The following SLC49A4 variants were observed in gnomAD, a reference collection of about 807,000 sequenced individuals.
SLC49A4 encodes the protein disrupted in renal cancer protein 2.
In SLC49A4, 36 loss-of-function variants were observed where a neutral mutation model predicts 50.6. The ratio of observed to expected loss-of-function variants is 0.71; its 90% CI spans 0.55 to 0.94. SLC49A4 has a LOEUF of 0.94. SLC49A4 is among the 40% of genes least tolerant of loss of function. The pLI, the probability that SLC49A4 is intolerant of heterozygous loss-of-function variation, is 0.00. For synonymous variants in SLC49A4, 248 were observed against 241.2 expected (o/e 1.03, Z -0.26); for missense variants, 503 against 605.7 (o/e 0.83, Z 1.78).
intron 8 of SLC49A4, among the ~76,000 whole-genome samples, chr3:122,877,592 A>G (rs1937281618): frequency 6.6e-6 from 1 of 152,188 alleles, no homozygotes; most frequent in Non-Finnish European, 1.5e-5. Context: ...AGTCTCTAAG[A>G]TATAGCAACT....
intron 2 of SLC49A4, among the ~76,000 whole-genome samples, chr3:122,811,676 C>T (rs868011346): frequency 5.9e-5 from 9 of 152,130 alleles, no homozygotes; most frequent in Non-Finnish European, 8.8e-5. Context: ...ATGCCTTCAG[C>T]AGAGAACTGA....
At chr3:122,865,069 A>G (rs1430523342) in intron 7 of SLC49A4, among the ~76,000 whole-genome samples, 1 of 152,232 alleles carries the variant, frequency 6.6e-6, no homozygotes, top group Non-Finnish European at 1.5e-5. Flanking sequence ...TCCTCTTACT[A>G]TATTTTCATG....
intron 6 of SLC49A4, among the ~76,000 whole-genome samples, chr3:122,859,245 A>G (rs1937027821): frequency 6.6e-6 from 1 of 152,152 alleles, no homozygotes. Context: ...GGCAGACGGA[A>G]CAAGTACGGA....
chr3:122,865,376 GC>G (rs1937104755), intron 7 of SLC49A4, among the ~76,000 whole-genome samples: 1 of 152,196 alleles, frequency 6.6e-6, no homozygotes, highest in Admixed American at 6.5e-5. Context: ...GTACCTTACA[GC>G]AAAATATGCC....
At chr3:122,851,993 C>CTTTTTTTTT (rs368287566) in intron 5 of SLC49A4, among the ~76,000 whole-genome samples, 2 of 128,032 alleles carry the variant, frequency 1.6e-5, no homozygotes, top group Non-Finnish European at 3.3e-5. Flanking sequence ...ATCTTTGATT[C>CTTTTTTTTT]TTTTTTTTTT....
chr3:122,826,856 C>T lies in SLC49A4; in HGVS notation c.494C>T (p.Ala165Val), dbSNP rs1250385873. ...NGLAGPTVMN[A>V]APFLSTTWFS... Reference sequence around the variant, plus strand: ...TTGGCAGGTCCAACTGTAATGAATGCAGCACCATTTCTCTCTACGACGTGG... The same window carrying T: ...TTGGCAGGTCCAACTGTAATGAATGTAGCACCATTTCTCTCTACGACGTGG... The change falls in exon 3 of 9, where the codon GCA becomes GTA. Residue 165 changes from alanine to valine, a missense_variant. Transcript: ENST00000261038. 6.2e-7 allele frequency: 1 copy of T among 1,614,090 alleles called. No homozygotes were observed. Among genetic ancestry groups the T allele is most frequent in the Admixed American group, 1.7e-5 (1 of 60,020 alleles).
At chr3:122,798,034 CAAT>C (rs1358188582) in intron 1 of SLC49A4, among the ~76,000 whole-genome samples, 1 of 152,140 alleles carries the variant, frequency 6.6e-6, no homozygotes, top group Non-Finnish European at 1.5e-5. Context: ...ATCAATGTTA[CAAT>C]AATATTTTTT....
Position 122,879,324 on chromosome 3 carries a change from G to T in SLC49A4, c.1383G>T (p.Leu461=). The T allele has an allele frequency of 6.2e-7, 1 of 1,613,954 alleles. No homozygotes were observed. The highest frequency in any genetic ancestry group is 8.5e-7 in the Non-Finnish European group (1 of 1,179,922). Residue 461 remains leucine (L), a synonymous_variant, in exon 9 of 9, where the codon CTG becomes CTT. Transcript: ENST00000261038. The part of the protein sequence containing the change: ...GSCLLSLLLI[L]CFRESYDRLY... ...GTTTGCTCAGTCTCCTCCTCATTCT[G>T]TGCTTCAGGGAATCCTATGACAGAC...
rs115108813 is a variant in SLC49A4 at position 122,871,567 on chromosome 3, C to T, written c.1139-848C>T. ...TAGGATAAATTCTACTCATTATTAT[C>T]GGTGAATATGATATACTTATTAGGA... is the stretch of plus-strand genomic sequence containing the variant. On this transcript the variant is annotated intron_variant, in intron 7 of 8. Coordinates refer to ENST00000261038, the MANE Select transcript of SLC49A4 (RefSeq NM_032839.3). Among the ~76,000 whole-genome samples the T allele has an allele frequency of 6.0e-3, 916 of 152,052 alleles. 4 individuals carry two copies. The highest frequency in any genetic ancestry group is 7.6e-3 in the Non-Finnish European group (517 of 67,970).
intron 7 of SLC49A4, among the ~76,000 whole-genome samples, chr3:122,868,932 C>T (rs1311785180): frequency 1.3e-5 from 2 of 152,172 alleles, no homozygotes; most frequent in East Asian, 1.9e-4. Context: ...ATATAATAGG[C>T]ATTCTAACAA....
chr3:122,858,558 A>G (rs1009572825), intron 6 of SLC49A4, among the ~76,000 whole-genome samples: 4 of 152,218 alleles, frequency 2.6e-5, no homozygotes, highest in Non-Finnish European at 5.9e-5. Flanking sequence ...AAAAGATGGC[A>G]TCAGCTCTCA....
intron 4 of SLC49A4, among the ~76,000 whole-genome samples, chr3:122,842,810 A>G (rs1474363998): frequency 6.6e-6 from 1 of 152,160 alleles, no homozygotes; most frequent in African/African-American, 2.4e-5. Context: ...ACCAGTACCT[A>G]ACATTCCTTT....
intron 7 of SLC49A4, among the ~76,000 whole-genome samples, chr3:122,866,929 TTATCATC>T (rs1937128885): frequency 1.3e-5 from 2 of 152,156 alleles, no homozygotes; most frequent in Non-Finnish European, 2.9e-5. Context: ...AGAAATATAA[TTATCATC>T]TTAACACTGT....
chr3:122,860,381 A>G (rs1937046939), intron 7 of SLC49A4, among the ~76,000 whole-genome samples, 179 bp downstream of exon 7: 1 of 152,236 alleles, frequency 6.6e-6, no homozygotes, highest in Non-Finnish European at 1.5e-5. Context: ...ATAACTAAAA[A>G]TATTTTAATT....
At chr3:122,867,078 G>A (rs193264504) in intron 7 of SLC49A4, among the ~76,000 whole-genome samples, 9 of 152,264 alleles carry the variant, frequency 5.9e-5, no homozygotes, top group Admixed American at 1.3e-4. Context: ...CTGATAAGTC[G>A]TTTTGAAGAA....
intron 6 of SLC49A4, among the ~76,000 whole-genome samples, chr3:122,856,957 A>G (rs927933484): frequency 1.1e-4 from 16 of 152,004 alleles, no homozygotes; most frequent in Middle Eastern, 3.2e-3. Context: ...GCCTCTTTCC[A>G]TATTATTGGA....
intron 7 of SLC49A4, among the ~76,000 whole-genome samples, chr3:122,863,705 C>A (rs1046531851): frequency 8.5e-5 from 13 of 152,166 alleles, no homozygotes; most frequent in Non-Finnish European, 1.5e-4. Context: ...CTATTTTAAT[C>A]AGGAAAATAT....
chr3:122,866,849 A>C (rs1014690038), intron 7 of SLC49A4, among the ~76,000 whole-genome samples: 3 of 151,632 alleles, frequency 2.0e-5, no homozygotes, highest in African/African-American at 7.3e-5. Flanking sequence ...AATTTAGCAC[A>C]CTTTTCCTGC....
chr3:122,867,048 A>T (rs1937130151), intron 7 of SLC49A4, among the ~76,000 whole-genome samples: 1 of 152,236 alleles, frequency 6.6e-6, no homozygotes, highest in Non-Finnish European at 1.5e-5. Flanking sequence ...CTAACATAGC[A>T]GCCTCCACGT....
Sources: gnomAD v4.1 joint callset for allele counts (sites outside exome capture counted in the v4.1 genomes callset) on GRCh38, gnomAD v4.1.1 for gene constraint, MANE v1.5 for transcripts, NCBI Gene and HGNC (gene_info 2026-07-23, HGNC 2026-07-21) for gene names.